TMA16: variants seen among roughly 807,000 people sequenced by gnomAD.
The protein encoded by TMA16 is translation machinery associated 16 homolog.
A neutral mutation model predicts 27.1 loss-of-function variants in TMA16; 26 were observed. The ratio of observed to expected loss-of-function variants is 0.96; its 90% CI spans 0.70 to 1.33. The LOEUF is 1.33. Ranked by LOEUF, TMA16 falls within the 40% of genes most tolerant of loss-of-function variation. The pLI, the probability that TMA16 is intolerant of heterozygous loss-of-function variation, is 0.00. For missense variants in TMA16, 233 were observed against 241.4 expected (o/e 0.97, Z 0.23); for synonymous variants, 71 against 81.9 (o/e 0.87, Z 0.72).
intron 1 of TMA16, among the ~76,000 whole-genome samples, chr4:163,506,660 G>A (rs1737722092): frequency 6.6e-6 from 1 of 152,230 alleles, no homozygotes; most frequent in Admixed American, 6.5e-5. Context: ...AATAATCCAA[G>A]TCCCTTCTGA....
intron 1 of TMA16, among the ~76,000 whole-genome samples, chr4:163,500,017 G>A (rs149944665): frequency 1.6e-3 from 242 of 152,004 alleles, no homozygotes; most frequent in Non-Finnish European, 2.6e-3. Flanking sequence ...TTTTTTGTGC[G>A]TGTGTGACAT....
chr4:163,517,665 A>T (rs1257287208), intron 6 of TMA16, 189 bp downstream of exon 6: 2 of 525,646 alleles, frequency 3.8e-6, no homozygotes, highest in Admixed American at 3.8e-5. Flanking sequence ...CACCAACAGG[A>T]TGGTAACCTG....
intron 5 of TMA16, chr4:163,516,052 A>G (rs897378541): frequency 2.0e-5 from 3 of 152,912 alleles, no homozygotes; most frequent in South Asian, 2.1e-4. Flanking sequence ...TCTCACCTGT[A>G]CTATGGTAAT....
chr4:163,497,712 C>G (rs1432763130), intron 1 of TMA16, among the ~76,000 whole-genome samples: 1 of 152,128 alleles, frequency 6.6e-6, no homozygotes, highest in African/African-American at 2.4e-5. Flanking sequence ...TATGTTGGGC[C>G]CACCTGGATA....
At chr4:163,505,844 C>CTA (rs1737711979) in intron 1 of TMA16, among the ~76,000 whole-genome samples, 1 of 152,174 alleles carries the variant, frequency 6.6e-6, no homozygotes. Context: ...AATCTAAAGA[C>CTA]TATCCTGATT....
chr4:163,507,154 C>A lies in TMA16; in HGVS notation c.116+9C>A. 1 of 1,557,510 alleles carries A rather than the reference C, an allele frequency of 6.4e-7. No homozygotes were observed. Among genetic ancestry groups the A allele is most frequent in the Non-Finnish European group, 8.7e-7 (1 of 1,149,234 alleles). ...CAAGAAAAAAAGGAAAAGTAAGTAT[C>A]TTTTCATCATTTGTATTACTCGTTG... is the stretch of plus-strand genomic sequence containing the variant. On this transcript the variant is annotated intron_variant, in intron 2 of 6. Transcript: ENST00000358572.
intron 1 of TMA16, among the ~76,000 whole-genome samples, chr4:163,506,036 C>T (rs115014523): frequency 6.8e-4 from 103 of 152,302 alleles, no homozygotes; most frequent in Middle Eastern, 6.8e-3. Flanking sequence ...ATTTACTACT[C>T]TCCCTTATGT....
Position 163,519,554 on chromosome 4 carries a change from T to A in TMA16, c.*40T>A, listed in dbSNP as rs199909781. On this transcript the variant is annotated 3_prime_UTR_variant, in exon 7 of 7. Transcript: ENST00000358572. ...ATTGAAAATAAATAATTTGAGAGCTTCAAATTATATTCATTGATTATGGTA... is the reference window on the plus strand; with the variant it reads ...ATTGAAAATAAATAATTTGAGAGCTACAAATTATATTCATTGATTATGGTA... The A allele has an allele frequency of 3.4e-5, 51 of 1,484,296 alleles. No individual in the cohort carries two copies. The highest frequency in any genetic ancestry group is 4.5e-5 in the Non-Finnish European group (50 of 1,119,748). 91.9% of individuals were successfully genotyped at this position (1,484,296 alleles called of 1,614,324 possible). A position where few individuals can be genotyped will look rare whatever the true frequency, so the allele number is the denominator to read the frequency against.
intron 1 of TMA16, among the ~76,000 whole-genome samples, chr4:163,498,932 A>G (rs1231119840): frequency 6.6e-6 from 1 of 152,208 alleles, no homozygotes; most frequent in Non-Finnish European, 1.5e-5. Context: ...GTGTTGAGAT[A>G]GTGGGCAGAA....
Position 163,519,637 on chromosome 4 carries a change from C to G in TMA16, c.*123C>G, listed in dbSNP as rs534549224. The G allele has an allele frequency of 4.7e-4, 456 of 965,362 alleles. No individual in the cohort carries two copies. The highest frequency in any genetic ancestry group is 4.2e-4 in the Non-Finnish European group (282 of 676,826). 59.8% of individuals were successfully genotyped at this position (965,362 alleles called of 1,614,324 possible). A position where few individuals can be genotyped will look rare whatever the true frequency, so the allele number is the denominator to read the frequency against. ...ACATTCTCTTATATGATGAGAGTTT[C>G]ATTTGCGTTTCAAAAATGGTGTTAT... is the stretch of plus-strand genomic sequence containing the variant. On this transcript the variant is annotated 3_prime_UTR_variant, in exon 7 of 7. Transcript: ENST00000358572.
rs573218826 is a variant in TMA16 at position 163,515,425 on chromosome 4, G to C, written c.352G>C (p.Glu118Gln). 3 of 1,614,034 alleles carry C rather than the reference G, an allele frequency of 1.9e-6. No homozygotes were observed. The African/African-American group carries it at 4.0e-5, about 22-fold the overall frequency. ...SRETVIKQTM[E>Q]RERQQFEGYG... is the part of the protein sequence containing the mutation. ...GGAGACCGTCATCAAGCAGACGATG[G>C]AGCGGGAGCGACAGCAGTTTGAGGG... Residue 118 changes from glutamate (E) to glutamine (Q), a missense_variant, in exon 5 of 7, where the codon GAG becomes CAG. Glu to Gln is a conservative substitution (Grantham distance 29). Transcript: ENST00000358572.
rs1032785060 is a variant in TMA16 at position 163,513,537 on chromosome 4, C to A, written c.155-537C>A. ...GCTCTTTGGTAATATATATCAATTA[C>A]TCTACACAGTACCTGGCAGCTCTTA... On this transcript the variant is annotated intron_variant, in intron 3 of 6. Coordinates refer to ENST00000358572, the MANE Select transcript of TMA16 (RefSeq NM_018352.3). 2.0e-5 allele frequency among the ~76,000 whole-genome samples: 3 copies of A among 152,098 alleles called. No individual in the cohort carries two copies. In the South Asian group the frequency reaches 6.2e-4, roughly 31 times the overall value.
chr4:163,516,794 A>AT (rs1311606110), intron 5 of TMA16, among the ~76,000 whole-genome samples: 6 of 152,060 alleles, frequency 3.9e-5, no homozygotes, highest in African/African-American at 7.2e-5. Flanking sequence ...GAAAAATGTG[A>AT]TTTTTTTAAA....
chr4:163,512,846 T>G lies in TMA16; in HGVS notation c.141T>G (p.Arg47=). The G allele has an allele frequency of 6.2e-7, 1 of 1,607,654 alleles. No homozygotes were observed. The highest frequency in any genetic ancestry group is 8.5e-7 in the Non-Finnish European group (1 of 1,175,732). The change falls in exon 3 of 7, where the codon CGT becomes CGG. Residue 47 remains arginine (R), a synonymous_variant. Coordinates refer to ENST00000358572, the MANE Select transcript of TMA16 (RefSeq NM_018352.3). The stretch of plus-strand genomic sequence containing the variant: ...GATTGAAGAATGAAAAGGCCTTGCG[T>G]CTCAACCTTGTTGGTAAGTGGGTTT... ...KEKLKNEKAL[R]LNLVGEKLQW... is the part of the protein sequence containing the mutation.
intron 2 of TMA16, among the ~76,000 whole-genome samples, chr4:163,508,964 T>C (rs1737754073): frequency 6.6e-6 from 1 of 152,248 alleles, no homozygotes; most frequent in South Asian, 2.1e-4. Context: ...ATTTTAGTAA[T>C]GCAGAGTAGA....
Position 163,494,713 on chromosome 4 carries a change from GGGTGCTCTTGTGAGCT to G in TMA16, c.-87_-72del, listed in dbSNP as rs2110780637. ...TCAGGCGCCACGTGGGATTCGGCCC[GGGTGCTCTTGTGAGCT>G]GCTGCTCCTGCGGTTGGTGAGATTA... is the stretch of plus-strand genomic sequence containing the variant. On this transcript the variant is annotated 5_prime_UTR_variant, in exon 1 of 7. Transcript: ENST00000358572. 1 of 1,587,688 alleles carries G rather than the reference GGGTGCTCTTGTGAGCT, an allele frequency of 6.3e-7. No individual in the cohort carries two copies. The highest frequency in any genetic ancestry group is 8.6e-7 in the Non-Finnish European group (1 of 1,158,368).
At chr4:163,501,090 AC>A (rs1045294481) in intron 1 of TMA16, among the ~76,000 whole-genome samples, 1 of 152,156 alleles carries the variant, frequency 6.6e-6, no homozygotes, top group African/African-American at 2.4e-5. Flanking sequence ...CAGGCCAGTC[AC>A]CTTTATTTCT....
In TMA16 at chr4:163,505,613, T is replaced by A. The variant is rs367829282; in HGVS notation, c.4-1420T>A. 3.9e-4 allele frequency among the ~76,000 whole-genome samples: 60 copies of A among 152,242 alleles called. No individual in the cohort carries two copies. The South Asian group carries it at 0.012, about 30-fold the overall frequency. On this transcript the variant is annotated intron_variant, in intron 1 of 6. Transcript: ENST00000358572. ...TGAAATAGCTTGGTATGTTCTGGAA[T>A]GGTGAGAAGTTCAGTAAGAATGGCG...
chr4:163,518,551 A>G (rs1310304861), intron 6 of TMA16, among the ~76,000 whole-genome samples: 1 of 152,170 alleles, frequency 6.6e-6, no homozygotes, highest in Non-Finnish European at 1.5e-5. Flanking sequence ...TTAAACATAG[A>G]TTTTTATTAA....
Sources: gnomAD v4.1 joint callset for allele counts (sites outside exome capture counted in the v4.1 genomes callset) on GRCh38, gnomAD v4.1.1 for gene constraint, MANE v1.5 for transcripts, NCBI Gene and HGNC (gene_info 2026-07-23, HGNC 2026-07-21) for gene names.